PDE4D: variants seen among roughly 807,000 people sequenced by gnomAD.
PDE4D encodes 3',5'-cyclic-AMP phosphodiesterase 4D.
PDE4D carries 24 observed loss-of-function variants against 87.4 expected under a neutral mutation model. The ratio of observed to expected loss-of-function variants is 0.27; its 90% confidence interval spans 0.20 to 0.39. PDE4D has a LOEUF of 0.39. Ranked by LOEUF, PDE4D falls within the 10% of genes least tolerant of loss-of-function variation. The probability of loss-of-function intolerance (pLI) is 1.00; values close to 1 mark genes in which losing one functional copy is unlikely to be tolerated. For synonymous variants in PDE4D, 384 were observed against 383.2 expected (o/e 1.00, Z -0.02); for missense variants, 714 against 1,041.0 (o/e 0.69, Z 4.32).
chr5:59,760,239 G>C (rs1216821725), intron 1 of PDE4D, among the ~76,000 whole-genome samples: 1 of 152,130 alleles, frequency 6.6e-6, no homozygotes, highest in South Asian at 2.1e-4. Flanking sequence ...GCCTGATAAA[G>C]AGAAATTTAT....
intron 1 of PDE4D, among the ~76,000 whole-genome samples, chr5:59,664,695 G>A (rs1745781081): frequency 6.6e-6 from 1 of 152,190 alleles, no homozygotes; most frequent in South Asian, 2.1e-4. Flanking sequence ...AGAGAGCTCA[G>A]TGCCTAAATC....
chr5:59,730,102 C>A (rs111610622), intron 1 of PDE4D, among the ~76,000 whole-genome samples: 9 of 152,030 alleles, frequency 5.9e-5, no homozygotes, highest in African/African-American at 2.2e-4. Flanking sequence ...GAACCTTGCT[C>A]TATCACAATA....
At chr5:59,705,796 T>A (rs1317744644) in intron 1 of PDE4D, among the ~76,000 whole-genome samples, 1 of 152,170 alleles carries the variant, frequency 6.6e-6, no homozygotes, top group Admixed American at 6.6e-5. Flanking sequence ...ATGCTTGACA[T>A]AGTAATCCAT....
chr5:59,229,867 C>T (rs775179194), intron 1 of PDE4D, among the ~76,000 whole-genome samples: 3 of 152,134 alleles, frequency 2.0e-5, no homozygotes, highest in Non-Finnish European at 4.4e-5. Context: ...GGTGCGATCT[C>T]GGCTCACTGC....
intron 1 of PDE4D, among the ~76,000 whole-genome samples, chr5:59,669,132 GT>G (rs1210333932): frequency 2.6e-5 from 4 of 152,256 alleles, no homozygotes; most frequent in African/African-American, 9.6e-5. Flanking sequence ...TTTCGCTCTT[GT>G]TGCTCAGGCT....
At chr5:60,243,748 T>C (rs115613051) in intron 1 of PDE4D, among the ~76,000 whole-genome samples, 1,555 of 152,044 alleles carry the variant, frequency 0.01, 33 homozygotes, top group African/African-American at 0.036. Flanking sequence ...TTGATAAAAT[T>C]TCACATCCCT....
At chr5:59,215,226 G>A (rs1359390728) in intron 2 of PDE4D, among the ~76,000 whole-genome samples, 1 of 151,582 alleles carries the variant, frequency 6.6e-6, no homozygotes, top group East Asian at 1.9e-4. Flanking sequence ...TCTGTCTAAT[G>A]TTTTCTGTGC....
At position 60,308,700 on chromosome 5, in the gene PDE4D, T is replaced by C. The variant is rs149302761; in HGVS notation, c.-89-123013A>G. On this transcript the variant is annotated intron_variant, in intron 1 of 16. Transcript: ENST00000502484. ...AGCATGGTTTATAATTACAGTATTA[T>C]GGGAAAAGCCAAAGAAGAAAATTGC... Among the ~76,000 whole-genome samples the C allele has an allele frequency of 1.1e-3, 162 of 152,324 alleles. 1 individual carries two copies. In the East Asian group the frequency reaches 0.026, roughly 24 times the overall value.
rs185502943 is a variant in PDE4D at position 59,698,431 on chromosome 5, T to A, written c.455+194737A>T. Among the ~76,000 whole-genome samples the A allele has an allele frequency of 1.3e-4, 20 of 152,056 alleles. 1 individual carries two copies. The highest frequency in any genetic ancestry group is 1.3e-3 in the Admixed American group (20 of 15,242). ...GTGGTTTACTTTCTGGCATGAGCGC[T>A]TTAAAACTATTACCCAACATGAAGG... is the stretch of plus-strand genomic sequence containing the variant. On this transcript the variant is annotated intron_variant, in intron 1 of 14. Coordinates refer to ENST00000340635, the MANE Select transcript of PDE4D (RefSeq NM_001104631.2).
At chr5:59,229,616 C>T (rs996256224) in intron 1 of PDE4D, among the ~76,000 whole-genome samples, 72 of 152,248 alleles carry the variant, frequency 4.7e-4, no homozygotes, top group African/African-American at 1.6e-3. Flanking sequence ...CCTAAAACTA[C>T]GTGCAGCTGC....
chr5:59,353,597 A>G (rs544046172), intron 1 of PDE4D, among the ~76,000 whole-genome samples: 1 of 149,456 alleles, frequency 6.7e-6, no homozygotes. Flanking sequence ...CACTGATCCC[A>G]TTACTGAAAA....
At chr5:59,653,207 A>ATTTTT (rs1561410700) in intron 1 of PDE4D, among the ~76,000 whole-genome samples, 2,454 of 64,154 alleles carry the variant, frequency 0.038, 71 homozygotes, top group African/African-American at 0.11. Context: ...CAAAAAAAAA[A>ATTTTT]ATTTTTTTTT....
At chr5:60,452,368 T>C (rs1746162348) in intron 1 of PDE4D, among the ~76,000 whole-genome samples, 1 of 152,128 alleles carries the variant, frequency 6.6e-6, no homozygotes, top group Non-Finnish European at 1.5e-5. Flanking sequence ...ATGTTTTCAC[T>C]TCATTTTCCA....
At chr5:59,929,594 A>T (rs1755671849) in intron 3 of PDE4D, among the ~76,000 whole-genome samples, 1 of 152,134 alleles carries the variant, frequency 6.6e-6, no homozygotes, top group Non-Finnish European at 1.5e-5. Flanking sequence ...TTTCTATAAT[A>T]TGTTAAGTGT....
At chr5:60,469,938 T>C (rs996593334) in intron 1 of PDE4D, among the ~76,000 whole-genome samples, 18 of 152,192 alleles carry the variant, frequency 1.2e-4, no homozygotes, top group Non-Finnish European at 2.4e-4. Context: ...AATAAACAGT[T>C]ACATATCTCA....
intron 2 of PDE4D, among the ~76,000 whole-genome samples, chr5:60,131,703 C>G (rs947691502): frequency 1.3e-5 from 2 of 152,164 alleles, no homozygotes; most frequent in African/African-American, 4.8e-5. Context: ...ATAAGCCCAG[C>G]CAAAATGGCT....
intron 1 of PDE4D, among the ~76,000 whole-genome samples, chr5:59,474,191 C>T (rs990545238): frequency 3.5e-4 from 54 of 152,238 alleles, no homozygotes; most frequent in African/African-American, 1.2e-3. Flanking sequence ...AGGTTTTTTA[C>T]ATTCCTGCTA....
intron 2 of PDE4D, among the ~76,000 whole-genome samples, chr5:60,072,415 C>T (rs1016176229): frequency 6.6e-6 from 1 of 152,076 alleles, no homozygotes; most frequent in Non-Finnish European, 1.5e-5. Flanking sequence ...AGAACTTTGT[C>T]AGATGCATAG....
chr5:59,365,666 A>G (rs1222006435), intron 1 of PDE4D, among the ~76,000 whole-genome samples: 1 of 152,166 alleles, frequency 6.6e-6, no homozygotes, highest in East Asian at 1.9e-4. Context: ...AGAAGTTTCT[A>G]TTTCAGCCCA....
Sources: gnomAD v4.1 joint callset for allele counts (sites outside exome capture counted in the v4.1 genomes callset) on GRCh38, gnomAD v4.1.1 for gene constraint, MANE v1.5 for transcripts, NCBI Gene and HGNC (gene_info 2026-07-23, HGNC 2026-07-21) for gene names.